Variants in PRKCE observed in about 807,000 individuals in gnomAD.
PRKCE encodes protein kinase C epsilon type.
PRKCE carries 16 observed loss-of-function variants against 85.4 expected under a neutral mutation model. The ratio of observed to expected loss-of-function variants is 0.19; its 90% CI spans 0.13 to 0.28. The LOEUF is 0.28. Ranked by LOEUF, PRKCE falls within the 10% of genes least tolerant of loss-of-function variation. The pLI is 1.00. For synonymous variants in PRKCE, 388 were observed against 371.5 expected, an observed-to-expected ratio of 1.04 and a Z score of -0.51; for missense variants, 573 against 975.2, an observed-to-expected ratio of 0.59 and a Z score of 5.49.
intron 10 of PRKCE, among the ~76,000 whole-genome samples, chr2:46,039,381 A>G (rs1292454325): frequency 6.6e-6 from 1 of 152,128 alleles, no homozygotes; most frequent in Non-Finnish European, 1.5e-5. Context: ...TAATCTTTTC[A>G]CAATGGCATT....
At chr2:45,673,341 A>G (rs1366278492) in intron 1 of PRKCE, among the ~76,000 whole-genome samples, 1 of 152,250 alleles carries the variant, frequency 6.6e-6, no homozygotes, top group Non-Finnish European at 1.5e-5. Flanking sequence ...ACCATAGAGT[A>G]AATGAAGCTA....
At position 45,786,199 on chromosome 2, in the gene PRKCE, G is replaced by A. The variant is rs893918010; in HGVS notation, c.349-56801G>A. On this transcript the variant is annotated intron_variant, in intron 1 of 14. Coordinates refer to ENST00000306156, the MANE Select transcript of PRKCE (RefSeq NM_005400.3). This position sits in a 1 kb window ranked among gnomAD's most constrained non-coding sequence, Gnocchi z 5.3. The stretch of plus-strand genomic sequence containing the variant: ...TGCCAGTGACTTATTTATCCCCCGT[G>A]CTGCTTCTTGCTCTCCGGTTTCCAG... Among the ~76,000 whole-genome samples, 14 of 152,170 alleles carry A rather than the reference G, an allele frequency of 9.2e-5. No individual in the cohort carries two copies. The highest frequency in any genetic ancestry group is 9.2e-4 in the Admixed American group (14 of 15,276).
At chr2:46,110,671 G>C (rs1363848548) in intron 11 of PRKCE, among the ~76,000 whole-genome samples, 7 of 148,656 alleles carry the variant, frequency 4.7e-5, no homozygotes, top group African/African-American at 1.7e-4. Context: ...TTTCTCTATT[G>C]TTTTTCTGTT....
intron 10 of PRKCE, chr2:46,078,417 G>C (rs1356815268): frequency 6.6e-6 from 1 of 151,274 alleles, no homozygotes; most frequent in Non-Finnish European, 1.5e-5. Context: ...GCACATGCGT[G>C]TAGTCTCAAC....
At chr2:46,024,205 A>G (rs1367813674) in intron 10 of PRKCE, among the ~76,000 whole-genome samples, 1 of 152,112 alleles carries the variant, frequency 6.6e-6, no homozygotes. Flanking sequence ...TGCCCAGGGC[A>G]CCCTGGAGTA....
intron 2 of PRKCE, among the ~76,000 whole-genome samples, chr2:45,915,415 A>T (rs1045709877): frequency 2.6e-5 from 4 of 152,146 alleles, no homozygotes; most frequent in Non-Finnish European, 4.4e-5. Context: ...AAAGGGTTTA[A>T]ATATTAATAG....
chr2:46,017,523 T>C (rs1037288429), intron 10 of PRKCE, among the ~76,000 whole-genome samples: 1 of 152,248 alleles, frequency 6.6e-6, no homozygotes, highest in African/African-American at 2.4e-5. Flanking sequence ...GTTGTCTGAA[T>C]ATTTCTTTGA....
At chr2:45,741,926 C>G in intron 1 of PRKCE, among the ~76,000 whole-genome samples, 1 of 152,184 alleles carries the variant, frequency 6.6e-6, no homozygotes, top group East Asian at 1.9e-4. Context: ...TGCTTGTTAC[C>G]TGGTCAGCCT....
intron 1 of PRKCE, among the ~76,000 whole-genome samples, chr2:45,794,513 T>C (rs1013123935): frequency 4.6e-5 from 7 of 152,152 alleles, no homozygotes; most frequent in Admixed American, 2.0e-4. Context: ...TGCGGTATTC[T>C]AGCACGGACC....
chr2:45,929,010 TGTGC>T (rs756071150), intron 2 of PRKCE, among the ~76,000 whole-genome samples: 96 of 152,308 alleles, frequency 6.3e-4, no homozygotes, highest in East Asian at 1.9e-4. Flanking sequence ...AATTTGGAAT[TGTGC>T]GTTCTTTCTT....
chr2:45,825,007 G>A (rs1032678395), intron 1 of PRKCE, among the ~76,000 whole-genome samples: 8 of 152,194 alleles, frequency 5.3e-5, no homozygotes, highest in Non-Finnish European at 1.2e-4. Context: ...ACGTGGGTTC[G>A]CCTGGTGGGG....
intron 12 of PRKCE, among the ~76,000 whole-genome samples, chr2:46,148,557 T>A (rs1676308710): frequency 6.6e-6 from 1 of 152,198 alleles, no homozygotes; most frequent in African/African-American, 2.4e-5. Flanking sequence ...GCACCCAGTG[T>A]GCCCTGAGGC....
At chr2:45,883,902 T>C (rs1695059078) in intron 2 of PRKCE, among the ~76,000 whole-genome samples, 1 of 152,126 alleles carries the variant, frequency 6.6e-6, no homozygotes, top group Non-Finnish European at 1.5e-5. Context: ...TCCTTGGAGC[T>C]TGCTTCCCAC....
chr2:45,675,615 C>A (rs552679980), intron 1 of PRKCE: 2 of 152,226 alleles, frequency 1.3e-5, no homozygotes, highest in Non-Finnish European at 2.9e-5. Flanking sequence ...GTTTGGTCCT[C>A]CTCATTTCCC....
At chr2:46,128,022 C>A (rs113343332) in intron 11 of PRKCE, among the ~76,000 whole-genome samples, 3 of 152,328 alleles carry the variant, frequency 2.0e-5, no homozygotes, top group African/African-American at 7.2e-5. Flanking sequence ...GAGGTACGCC[C>A]TTTGTGGCAG....
At chr2:45,974,287 C>T (rs887609897) in intron 2 of PRKCE, among the ~76,000 whole-genome samples, 1 of 152,208 alleles carries the variant, frequency 6.6e-6, no homozygotes, top group Middle Eastern at 3.2e-3. Context: ...CTAGAACAGA[C>T]CTGGGTCCTC....
At chr2:46,010,257 C>A (rs560262202) in intron 9 of PRKCE, 87 bp from the exon 10 acceptor site, 1 of 1,346,736 alleles carries the variant, frequency 7.4e-7, no homozygotes, top group Non-Finnish European at 9.9e-7. Context: ...AAACAGAATT[C>A]GTTTTTGAAG....
chr2:45,651,878 T>C lies in PRKCE; in HGVS notation c.-223T>C, dbSNP rs1425071888. ...GCTCCAAACACGGACATCCCCCAGC[T>C]CTCCCCCCTCCCTGTTTTCCGTTAG... On this transcript the variant is annotated 5_prime_UTR_variant, in exon 1 of 15. Coordinates refer to ENST00000306156, the MANE Select transcript of PRKCE (RefSeq NM_005400.3). 2.1e-5 allele frequency: 10 copies of C among 475,826 alleles called. No individual in the cohort carries two copies. Among genetic ancestry groups the C allele is most frequent in the Non-Finnish European group, 3.0e-5 (8 of 269,148 alleles). The allele number at this position is 475,826 out of a possible 1,614,324, so 29.5% of individuals were successfully genotyped here.
intron 1 of PRKCE, among the ~76,000 whole-genome samples, chr2:45,701,184 T>C (rs1459852737): frequency 6.6e-6 from 1 of 152,178 alleles, no homozygotes. Context: ...AGGAACATAA[T>C]AGGTGCTCAA....
Sources: gnomAD v4.1 joint callset for allele counts (sites outside exome capture counted in the v4.1 genomes callset) on GRCh38, gnomAD v4.1.1 for gene constraint, Gnocchi (gnomAD v3.1) non-coding constraint, MANE v1.5 for transcripts, NCBI Gene and HGNC (gene_info 2026-07-23, HGNC 2026-07-21) for gene names.